ACSBG2: variants seen among roughly 807,000 people sequenced by gnomAD.
ACSBG2 encodes the protein long-chain-fatty-acid--CoA ligase ACSBG2.
Under a neutral mutation model 74.7 loss-of-function variants are expected in ACSBG2, and 62 were observed. The ratio of observed to expected loss-of-function variants is 0.83; its 90% CI spans 0.68 to 1.03. The LOEUF (loss-of-function observed/expected upper bound fraction) is 1.03, where lower values mean the gene tolerates loss of function less well. Among genes scored for constraint, ACSBG2 ranks in the 50% least tolerant of loss-of-function variants. ACSBG2 has a pLI of 0.00. For missense variants in ACSBG2, 730 were observed against 817.6 expected (o/e 0.89, Z 1.31); for synonymous variants, 309 against 294.1 (o/e 1.05, Z -0.52).
rs2090379008 is a variant in ACSBG2 at position 6,185,470 on chromosome 19, C to T, written c.1357C>T (p.Leu453=). The T allele has an allele frequency of 6.2e-7, 1 of 1,614,224 alleles. No homozygotes were observed. The highest frequency in any genetic ancestry group is 2.2e-5 in the East Asian group (1 of 44,894). Residue 453 remains leucine (L), a synonymous_variant, in exon 11 of 15, where the codon CTG becomes TTG. Transcript: ENST00000588485. ...GATCTTGACTGGGTGTAAGAATATGCTGTTCCAGCAGAACAAGGATGGCAT... is the reference window on the plus strand; with the variant it reads ...GATCTTGACTGGGTGTAAGAATATGTTGTTCCAGCAGAACAAGGATGGCAT... ...GKILTGCKNM[L]FQQNKDGIGE... is the part of the protein sequence containing the mutation.
chr19:6,163,612 G>A (rs1029227824), intron 6 of ACSBG2, among the ~76,000 whole-genome samples: 1 of 151,168 alleles, frequency 6.6e-6, no homozygotes, highest in African/African-American at 2.4e-5. Context: ...GTGGTGGCAC[G>A]CACCTGTAGT....
At chr19:6,144,337 T>A (rs1242654740) in intron 2 of ACSBG2, among the ~76,000 whole-genome samples, 1 of 152,130 alleles carries the variant, frequency 6.6e-6, no homozygotes, top group Non-Finnish European at 1.5e-5. Flanking sequence ...TGAGGTTAGG[T>A]CCCAATCCAA....
chr19:6,166,495 T>C (rs2089814627), intron 7 of ACSBG2, among the ~76,000 whole-genome samples: 1 of 152,000 alleles, frequency 6.6e-6, no homozygotes. Flanking sequence ...TGTATGTTTA[T>C]TAGAGACAGG....
At chr19:6,171,691 G>A (rs8109303) in intron 7 of ACSBG2, among the ~76,000 whole-genome samples, 3,518 of 151,992 alleles carry the variant, frequency 0.023, 120 homozygotes, top group African/African-American at 0.076. Context: ...TATATGCCTC[G>A]GGGGTGGCCA....
At position 6,152,159 on chromosome 19, in the gene ACSBG2, A is replaced by G. The variant is rs569003163; in HGVS notation, c.386+364A>G. Among the ~76,000 whole-genome samples, 29 of 152,234 alleles carry G rather than the reference A, an allele frequency of 1.9e-4. No homozygotes were observed. The South Asian group carries it at 5.4e-3, about 28-fold the overall frequency. On this transcript the variant is annotated intron_variant, in intron 4 of 14. Coordinates refer to ENST00000588485, the MANE Select transcript of ACSBG2 (RefSeq NM_030924.5). ...GGGTCCTATCATCCCCTATCTACAG[A>G]TGAGGAAACTGAGGCTCACACAGCC... is the stretch of plus-strand genomic sequence containing the variant.
chr19:6,157,184 GT>G (rs1390468957), intron 5 of ACSBG2, among the ~76,000 whole-genome samples: 2 of 152,116 alleles, frequency 1.3e-5, no homozygotes, highest in Non-Finnish European at 2.9e-5. Context: ...TCCTGACCTC[GT>G]GATCCGCCCG....
intron 10 of ACSBG2, among the ~76,000 whole-genome samples, chr19:6,184,860 A>AAAAAAAAAAAAAAAAAAAC (rs2090359282): frequency 7.0e-6 from 1 of 142,270 alleles, no homozygotes; most frequent in African/African-American, 2.7e-5. Flanking sequence ...AAAAAAAAAA[A>AAAAAAAAAAAAAAAAAAAC]AAAAAAAAAA....
chr19:6,184,858 A>C (rs1242647042), intron 10 of ACSBG2, among the ~76,000 whole-genome samples: 38 of 145,096 alleles, frequency 2.6e-4, no homozygotes, highest in Admixed American at 7.6e-4. Context: ...AAAAAAAAAA[A>C]AAAAAAAAAA....
chr19:6,165,259 A>C (rs2089757843), intron 6 of ACSBG2, among the ~76,000 whole-genome samples: 1 of 152,158 alleles, frequency 6.6e-6, no homozygotes, highest in African/African-American at 2.4e-5. Flanking sequence ...CAGCTCCTAG[A>C]GCTACATCTT....
At chr19:6,152,600 G>C (rs921398959) in intron 4 of ACSBG2, among the ~76,000 whole-genome samples, 1 of 146,750 alleles carries the variant, frequency 6.8e-6, no homozygotes, top group Non-Finnish European at 1.5e-5. Flanking sequence ...ATGTTGCCCA[G>C]GCTGTAATCG....
intron 1 of ACSBG2, among the ~76,000 whole-genome samples, chr19:6,139,145 T>C (rs1449302487): frequency 6.6e-6 from 1 of 151,532 alleles, no homozygotes; most frequent in East Asian, 1.9e-4. Flanking sequence ...TGGAGTCCAA[T>C]GGTGCTATCT....
chr19:6,163,783 C>CAAAAAAAAAAAAAAAAAAAAA (rs1278911071), intron 6 of ACSBG2, among the ~76,000 whole-genome samples: 5 of 81,064 alleles, frequency 6.2e-5, no homozygotes, highest in South Asian at 4.9e-4. Flanking sequence ...AAATAAAATA[C>CAAAAAAAAAAAAAAAAAAAAA]AAAAAAAAAA....
chr19:6,190,215 T>C (rs983129823), intron 13 of ACSBG2: 52 of 209,638 alleles, frequency 2.5e-4, no homozygotes, highest in African/African-American at 1.1e-3. Context: ...GATTCTGCCG[T>C]GCACTTGCTG....
At chr19:6,146,798 T>TA (rs200908889) in intron 2 of ACSBG2, among the ~76,000 whole-genome samples, 3,549 of 133,152 alleles carry the variant, frequency 0.027, 51 homozygotes, top group Middle Eastern at 0.077. Context: ...AAAATAATAA[T>TA]AAAAAAAATA....
chr19:6,156,003 G>A (rs7257052), intron 4 of ACSBG2, among the ~76,000 whole-genome samples: 107,487 of 150,784 alleles, frequency 0.71, 38,555 homozygotes, highest in Admixed American at 0.74. Context: ...ACATGTAAAG[G>A]TGCTCAATGT....
intron 2 of ACSBG2, among the ~76,000 whole-genome samples, chr19:6,144,424 C>T (rs767805955): frequency 2.6e-4 from 39 of 152,156 alleles, no homozygotes; most frequent in Non-Finnish European, 4.9e-4. Context: ...AGGATCGAAG[C>T]AGAGTTTGCA....
intron 1 of ACSBG2, among the ~76,000 whole-genome samples, chr19:6,138,260 T>C (rs2088656688): frequency 6.6e-6 from 1 of 152,180 alleles, no homozygotes; most frequent in South Asian, 2.1e-4. Context: ...CAGTCAGTGG[T>C]GGAGTTCTTG....
At chr19:6,147,359 A>C (rs2089071351) in intron 2 of ACSBG2, 87 bp from the exon 3 acceptor site, 2 of 1,036,428 alleles carry the variant, frequency 1.9e-6, no homozygotes, top group Non-Finnish European at 2.9e-6. Flanking sequence ...TCAGCACCTT[A>C]GGTCCAAAAA....
intron 2 of ACSBG2, among the ~76,000 whole-genome samples, chr19:6,144,961 T>C (rs1355441135): frequency 6.6e-6 from 1 of 151,994 alleles, no homozygotes; most frequent in African/African-American, 2.4e-5. Flanking sequence ...CTCCCAAAAG[T>C]GTTGGGATTA....
Sources: gnomAD v4.1 joint callset for allele counts (sites outside exome capture counted in the v4.1 genomes callset) on GRCh38, gnomAD v4.1.1 for gene constraint, MANE v1.5 for transcripts, NCBI Gene and HGNC (gene_info 2026-07-23, HGNC 2026-07-21) for gene names.